The following MACROD2 variants were observed in gnomAD, a reference collection of about 807,000 sequenced individuals.
MACROD2 encodes the protein ADP-ribose glycohydrolase MACROD2.
Under a neutral mutation model 70.4 loss-of-function variants are expected in MACROD2, and 36 were observed. That is an observed-to-expected ratio of 0.51 (90% CI 0.39 to 0.68). The LOEUF (loss-of-function observed/expected upper bound fraction) is 0.68, where lower values mean the gene tolerates loss of function less well. Among genes scored for constraint, MACROD2 ranks in the 30% least tolerant of loss-of-function variants. The probability of loss-of-function intolerance (pLI) is 0.00; values close to 1 mark genes in which losing one functional copy is unlikely to be tolerated. For synonymous variants in MACROD2, 172 were observed against 178.8 expected, an observed-to-expected ratio of 0.96 and a Z score of 0.30; for missense variants, 496 against 538.4, an observed-to-expected ratio of 0.92 and a Z score of 0.78.
intron 2 of MACROD2, among the ~76,000 whole-genome samples, chr20:14,025,775 A>G (rs796888185): frequency 6.6e-6 from 1 of 152,150 alleles, no homozygotes; most frequent in Non-Finnish European, 1.5e-5. Flanking sequence ...TATGCGGTCA[A>G]TTTTAGAATA....
intron 5 of MACROD2, among the ~76,000 whole-genome samples, chr20:15,021,382 T>TAG (rs2075182885): frequency 1.4e-5 from 2 of 148,114 alleles, no homozygotes; most frequent in Non-Finnish European, 3.0e-5. Flanking sequence ...ATACGCAGTC[T>TAG]TCTGTATATA....
chr20:14,416,204 T>A (rs991516566), intron 3 of MACROD2, among the ~76,000 whole-genome samples: 2 of 152,162 alleles, frequency 1.3e-5, no homozygotes, highest in South Asian at 4.2e-4. Context: ...TGATCTGCCC[T>A]CCTTGGTCCC....
chr20:14,439,047 A>G (rs2084090871), intron 3 of MACROD2, among the ~76,000 whole-genome samples: 2 of 152,266 alleles, frequency 1.3e-5, no homozygotes, highest in Admixed American at 1.3e-4. Context: ...TCTTAAGTGT[A>G]GGTCTTTTAT....
At chr20:15,461,006 A>ATATTTTTTTTTTT in intron 7 of MACROD2, among the ~76,000 whole-genome samples, 6 of 66,992 alleles carry the variant, frequency 9.0e-5, no homozygotes, top group Admixed American at 1.8e-4. Context: ...ATATATATAT[A>ATATTTTTTTTTTT]TTTTTTTTTA....
At chr20:15,409,892 C>T (rs1005846257) in intron 6 of MACROD2, among the ~76,000 whole-genome samples, 28 of 152,094 alleles carry the variant, frequency 1.8e-4, no homozygotes, top group African/African-American at 6.8e-4. Flanking sequence ...ACATCAACAG[C>T]GTGTGTTAAG....
At chr20:14,617,209 C>T (rs1036828691) in intron 4 of MACROD2, among the ~76,000 whole-genome samples, 1 of 152,142 alleles carries the variant, frequency 6.6e-6, no homozygotes, top group Non-Finnish European at 1.5e-5. Flanking sequence ...TTGTTTCTCT[C>T]TTTCTCGCTT....
intron 10 of MACROD2, among the ~76,000 whole-genome samples, chr20:15,896,890 GCTATAAATGA>G (rs2064981219): frequency 6.6e-6 from 1 of 152,106 alleles, no homozygotes; most frequent in Admixed American, 6.5e-5. Context: ...GCTGTCATGT[GCTATAAATGA>G]TAATGCCATC....
At chr20:15,419,090 G>A (rs1276895691) in intron 6 of MACROD2, among the ~76,000 whole-genome samples, 1 of 152,104 alleles carries the variant, frequency 6.6e-6, no homozygotes, top group African/African-American at 2.4e-5. Context: ...ATGACGAAGT[G>A]GTCCCAGAAA....
At chr20:15,195,312 C>T (rs755194698) in intron 5 of MACROD2, among the ~76,000 whole-genome samples, 38 of 151,890 alleles carry the variant, frequency 2.5e-4, no homozygotes, top group Non-Finnish European at 5.1e-4. Context: ...GCAGAATGGA[C>T]GAAAATTTTT....
chr20:14,930,808 A>T (rs1600841547), intron 5 of MACROD2, among the ~76,000 whole-genome samples: 2 of 131,692 alleles, frequency 1.5e-5, no homozygotes, highest in South Asian at 4.9e-4. Context: ...TCCTGTTCCC[A>T]TGTTTTCATT....
At position 15,954,246 on chromosome 20, in the gene MACROD2, G is replaced by T. The variant is rs149241630; in HGVS notation, c.908-13307G>T. 1.8e-3 allele frequency among the ~76,000 whole-genome samples: 270 copies of T among 152,138 alleles called. 4 individuals are homozygous for T. In the East Asian group the frequency reaches 0.024, roughly 14 times the overall value. On this transcript the variant is annotated intron_variant, in intron 12 of 17. Transcript: ENST00000684519. Reference sequence around the variant, plus strand: ...CCTCAGGTTTCCCTCCAAGTAAAATGCAAATAGCTCACTATAGCCTGTTAG... The same window carrying T: ...CCTCAGGTTTCCCTCCAAGTAAAATTCAAATAGCTCACTATAGCCTGTTAG...
intron 5 of MACROD2, among the ~76,000 whole-genome samples, chr20:15,195,010 C>A (rs973795176): frequency 6.6e-6 from 1 of 152,096 alleles, no homozygotes; most frequent in Non-Finnish European, 1.5e-5. Flanking sequence ...ATAAGTGGTG[C>A]TGGGAGAACT....
chr20:15,137,781 A>G (rs910658849), intron 5 of MACROD2, among the ~76,000 whole-genome samples: 5 of 152,178 alleles, frequency 3.3e-5, no homozygotes, highest in African/African-American at 9.6e-5. Flanking sequence ...ATGCACATTT[A>G]GATAGATTTA....
chr20:14,574,605 C>T (rs1980447435), intron 4 of MACROD2, among the ~76,000 whole-genome samples: 1 of 151,822 alleles, frequency 6.6e-6, no homozygotes, highest in South Asian at 2.1e-4. Flanking sequence ...TTCTCAGTCT[C>T]TTGCATTTTG....
chr20:14,625,183 T>G (rs916797810), intron 4 of MACROD2, among the ~76,000 whole-genome samples: 1 of 151,642 alleles, frequency 6.6e-6, no homozygotes, highest in Non-Finnish European at 1.5e-5. Context: ...AATAATTAGC[T>G]AGGCATGGTG....
intron 8 of MACROD2, among the ~76,000 whole-genome samples, chr20:15,566,253 G>A (rs779660795): frequency 2.0e-5 from 3 of 152,148 alleles, no homozygotes; most frequent in Non-Finnish European, 4.4e-5. Context: ...GGAGGCTGAA[G>A]CCAGTGGATT....
rs2051497178 is a variant in MACROD2, at chr20:15,764,908, T to A, written c.646-97837T>A. ...TAATCTCTTGGTTTTCTCCTTCTGC[T>A]CTCTGCTCACTCTACCCATGCTGGC... On this transcript the variant is annotated intron_variant, in intron 8 of 17. Transcript: ENST00000684519. Among the ~76,000 whole-genome samples, 6 of 152,306 alleles carry A rather than the reference T, an allele frequency of 3.9e-5. No individual in the cohort carries two copies. In the South Asian group the frequency reaches 1.2e-3, roughly 32 times the overall value.
intron 7 of MACROD2, among the ~76,000 whole-genome samples, chr20:15,466,712 A>G (rs751454546): frequency 2.0e-5 from 3 of 152,254 alleles, no homozygotes; most frequent in Non-Finnish European, 4.4e-5. Context: ...AGACTGTATT[A>G]TAATTACAAA....
chr20:14,030,417 C>CT (rs991593909), intron 2 of MACROD2, among the ~76,000 whole-genome samples: 20 of 151,050 alleles, frequency 1.3e-4, no homozygotes, highest in East Asian at 3.9e-4. Flanking sequence ...AATTTAATTT[C>CT]TTTTTTTTTG....
Sources: allele counts gnomAD v4.1 joint callset (sites outside exome capture counted in the v4.1 genomes callset), GRCh38; gene constraint gnomAD v4.1.1; transcripts MANE v1.5; gene names NCBI Gene and HGNC (gene_info 2026-07-23, HGNC 2026-07-21).